WNK2: variants seen among roughly 807,000 people sequenced by gnomAD.
The protein encoded by WNK2 is WNK lysine deficient protein kinase 2, also known as serine/threonine-protein kinase WNK2.
WNK2 carries 67 observed loss-of-function variants against 192.1 expected under a neutral mutation model. The observed-to-expected ratio is 0.35, with a 90% confidence interval of 0.29 to 0.43. The LOEUF (loss-of-function observed/expected upper bound fraction) is 0.43. Ranked by LOEUF, WNK2 falls within the 20% of genes least tolerant of loss-of-function variation. The pLI, the probability that WNK2 is intolerant of heterozygous loss-of-function variation, is 1.00. For synonymous variants in WNK2, 1,439 were observed against 1,393.9 expected, an observed-to-expected ratio of 1.03 and a Z score of -0.72; for missense variants, 2,698 against 3,089.7, an observed-to-expected ratio of 0.87 and a Z score of 3.01.
intron 7 of WNK2, among the ~76,000 whole-genome samples, chr9:93,246,611 C>T: frequency 6.6e-6 from 1 of 152,226 alleles, no homozygotes. Flanking sequence ...CTTGTTTGGT[C>T]ACTTTTGTGG....
chr9:93,308,476 G>T lies in WNK2; in HGVS notation c.6408G>T (p.Thr2136=), dbSNP rs768181281. 2 of 1,609,640 alleles carry T rather than the reference G, an allele frequency of 1.2e-6. No individual in the cohort carries two copies. The highest frequency in any genetic ancestry group is 1.7e-6 in the Non-Finnish European group (2 of 1,178,516). The change falls in exon 28 of 30, where the codon ACG becomes ACT. Residue 2136 remains threonine, a synonymous_variant. Transcript: ENST00000427277. ...TGGTGGACGAGTGGACGAGCAAGAC[G>T]GTGGGGGCCGCGCAGCTGAAGCCCA... The part of the protein sequence containing the change: ...HKLVDEWTSK[T]VGAAQLKPTL...
chr9:93,276,028 C>A (rs1166675772), intron 19 of WNK2, among the ~76,000 whole-genome samples: 1 of 152,148 alleles, frequency 6.6e-6, no homozygotes, highest in Non-Finnish European at 1.5e-5. Flanking sequence ...TCACTTCTAC[C>A]CAAATGGATC....
At chr9:93,202,364 G>A (rs5899174) in intron 2 of WNK2, among the ~76,000 whole-genome samples, 7,452 of 146,050 alleles carry the variant, frequency 0.051, 340 homozygotes, top group African/African-American at 0.11. Context: ...GTGTGTGTGT[G>A]TGTATGTCTC....
intron 2 of WNK2, among the ~76,000 whole-genome samples, chr9:93,186,700 G>A (rs865885251): frequency 6.6e-6 from 1 of 152,220 alleles, no homozygotes; most frequent in Admixed American, 6.5e-5. Flanking sequence ...CTCCGGCCCC[G>A]ACAGGGTGGC....
intron 26 of WNK2, among the ~76,000 whole-genome samples, chr9:93,306,164 G>A (rs1210528880): frequency 1.3e-5 from 2 of 152,200 alleles, no homozygotes; most frequent in South Asian, 4.1e-4. Flanking sequence ...ACTTGTTAAT[G>A]AGGCGGTAGT....
intron 29 of WNK2, chr9:93,319,238 T>TC (rs1554760428): frequency 4.4e-6 from 7 of 1,593,434 alleles, no homozygotes; most frequent in Non-Finnish European, 6.0e-6. Context: ...TTTCTTACCC[T>TC]CTATCCATAT....
At chr9:93,265,269 G>C (rs996360601) in intron 16 of WNK2, among the ~76,000 whole-genome samples, 1 of 152,196 alleles carries the variant, frequency 6.6e-6, no homozygotes, top group Non-Finnish European at 1.5e-5. Flanking sequence ...GTGATGGGTG[G>C]CTGGAAAATA....
chr9:93,193,022 A>G (rs939430094), intron 2 of WNK2, among the ~76,000 whole-genome samples: 1 of 152,104 alleles, frequency 6.6e-6, no homozygotes, highest in Non-Finnish European at 1.5e-5. Flanking sequence ...GTTGATGGAG[A>G]AGAACTTGAC....
chr9:93,220,740 G>A (rs1836710143), intron 2 of WNK2, among the ~76,000 whole-genome samples: 1 of 152,186 alleles, frequency 6.6e-6, no homozygotes, highest in Non-Finnish European at 1.5e-5. Context: ...TCCCGGGAGA[G>A]GCTTTGTGGG....
intron 19 of WNK2, among the ~76,000 whole-genome samples, chr9:93,279,858 A>C (rs1213236993): frequency 6.6e-6 from 1 of 152,154 alleles, no homozygotes; most frequent in Non-Finnish European, 1.5e-5. Flanking sequence ...ACACACACAC[A>C]AAAAAGGATG....
At chr9:93,285,853 G>A (rs1470080273) in intron 19 of WNK2, among the ~76,000 whole-genome samples, 1 of 152,210 alleles carries the variant, frequency 6.6e-6, no homozygotes, top group Non-Finnish European at 1.5e-5. Context: ...GAGCAATGGA[G>A]TCAAGCCAGC....
chr9:93,222,190 G>T (rs1174150842), intron 2 of WNK2, among the ~76,000 whole-genome samples: 2 of 151,792 alleles, frequency 1.3e-5, no homozygotes, highest in East Asian at 1.9e-4. Context: ...TTTTTTTGAG[G>T]CAGGGTCTTG....
rs147154055 is a variant in WNK2, at chr9:93,248,074, G to A, written c.1834+240G>A. Among the ~76,000 whole-genome samples the A allele has an allele frequency of 2.5e-3, 386 of 152,368 alleles. 2 individuals carry two copies. Among genetic ancestry groups the A allele is most frequent in the African/African-American group, 8.7e-3 (363 of 41,586 alleles). On this transcript the variant is annotated intron_variant, in intron 8 of 29. Transcript: ENST00000427277. ...AGTCCTGGCTGGGCACCTATGCCCC[G>A]TGACAGGCTCGCCTTCTGCCAGCAC...
chr9:93,304,873 G>A (rs1393033907), intron 26 of WNK2, among the ~76,000 whole-genome samples: 4 of 152,154 alleles, frequency 2.6e-5, no homozygotes, highest in Admixed American at 1.3e-4. Context: ...TCTAGGAGCC[G>A]TCTGCACACT....
chr9:93,311,947 A>T (rs1032229151), intron 28 of WNK2, among the ~76,000 whole-genome samples: 4 of 152,104 alleles, frequency 2.6e-5, no homozygotes, highest in Non-Finnish European at 5.9e-5. Flanking sequence ...CTGGTTTTTG[A>T]TGGTAGCCAT....
intron 26 of WNK2, among the ~76,000 whole-genome samples, chr9:93,305,061 T>C (rs1470587350): frequency 6.6e-6 from 1 of 152,198 alleles, no homozygotes; most frequent in East Asian, 1.9e-4. Flanking sequence ...AGGCTCCCTC[T>C]GGTGGTTCCC....
rs536374952 is a variant in WNK2, at chr9:93,229,263, C to T, written c.682-433C>T. On this transcript the variant is annotated intron_variant, in intron 2 of 29. Coordinates refer to ENST00000427277, the MANE Select transcript of WNK2 (RefSeq NM_006648.4). This position sits in a 1 kb window ranked among gnomAD's most constrained non-coding sequence, Gnocchi z 4.9. ...TCAGCTCTTATCTCAGTCACCTGTC[C>T]ACGTCTCCTCTGTTCTAATCCACTG... Among the ~76,000 whole-genome samples the T allele has an allele frequency of 6.6e-6, 1 of 152,206 alleles. No homozygotes were observed. Among genetic ancestry groups the T allele is most frequent in the Non-Finnish European group, 1.5e-5 (1 of 68,018 alleles).
chr9:93,311,613 T>TTGTTTGTGTG (rs71511653), intron 28 of WNK2, among the ~76,000 whole-genome samples: 6 of 146,076 alleles, frequency 4.1e-5, no homozygotes, highest in Non-Finnish European at 9.0e-5. Flanking sequence ...GTTTTTTTGT[T>TTGTTTGTGTG]TGTGTGTGTG....
chr9:93,319,220 A>G (rs1432963114), intron 29 of WNK2: 1 of 1,610,152 alleles, frequency 6.2e-7, no homozygotes, highest in East Asian at 2.2e-5. Context: ...AGTGTGAAAC[A>G]ACATCTTTTT....
Sources: allele counts gnomAD v4.1 joint callset (sites outside exome capture counted in the v4.1 genomes callset), GRCh38; gene constraint gnomAD v4.1.1; non-coding constraint Gnocchi (gnomAD v3.1); transcripts MANE v1.5; gene names NCBI Gene and HGNC (gene_info 2026-07-23, HGNC 2026-07-21).